NEK1: variants seen among roughly 807,000 people sequenced by gnomAD.
NEK1 encodes the protein serine/threonine-protein kinase Nek1.
NEK1 carries 137 observed loss-of-function variants against 182.1 expected under a neutral mutation model. That is an observed-to-expected ratio of 0.75 (90% CI 0.65 to 0.87). The LOEUF (loss-of-function observed/expected upper bound fraction) is 0.87. NEK1 is among the 40% of genes least tolerant of loss of function. The pLI is 0.00. For synonymous variants in NEK1, 513 were observed against 492.2 expected (o/e 1.04, Z -0.56); for missense variants, 1,391 against 1,494.4 (o/e 0.93, Z 1.14).
At chr4:169,495,537 C>A (rs7435438) in intron 23 of NEK1, among the ~76,000 whole-genome samples, 5 of 151,944 alleles carry the variant, frequency 3.3e-5, no homozygotes, top group Non-Finnish European at 5.9e-5. Flanking sequence ...CCACCGTGCC[C>A]GGCCCATTTA....
chr4:169,454,420 G>T (rs1742439549), intron 27 of NEK1, among the ~76,000 whole-genome samples: 1 of 152,134 alleles, frequency 6.6e-6, no homozygotes, highest in Admixed American at 6.5e-5. Context: ...GAAAACTTCT[G>T]CAATCTACCC....
chr4:169,411,118 G>A (rs1265137875), intron 31 of NEK1, among the ~76,000 whole-genome samples: 5 of 152,172 alleles, frequency 3.3e-5, no homozygotes, highest in Non-Finnish European at 5.9e-5. Context: ...GGAGCTTGAT[G>A]GATATAAAGC....
chr4:169,495,206 G>A (rs1253698558), intron 23 of NEK1, among the ~76,000 whole-genome samples: 1 of 150,096 alleles, frequency 6.7e-6, no homozygotes, highest in East Asian at 1.9e-4. Context: ...TTTTCTTCTA[G>A]GGTTTTTATG....
At chr4:169,481,565 C>A (rs11733461) in intron 23 of NEK1, among the ~76,000 whole-genome samples, 43,968 of 151,966 alleles carry the variant, frequency 0.29, 8,981 homozygotes, top group African/African-American at 0.59. Context: ...AACTAGGTGC[C>A]TTGTCAATGA....
chr4:169,499,344 C>T (rs553388471), intron 23 of NEK1, among the ~76,000 whole-genome samples: 91 of 152,128 alleles, frequency 6.0e-4, no homozygotes, highest in African/African-American at 2.1e-3. Flanking sequence ...GCCATGGGTT[C>T]GAACTTCCTC....
chr4:169,472,160 A>T (rs1402706214), intron 26 of NEK1, among the ~76,000 whole-genome samples: 2 of 151,640 alleles, frequency 1.3e-5, no homozygotes, highest in African/African-American at 4.8e-5. Flanking sequence ...ACTGAGGTAC[A>T]AAAAACAAAA....
intron 3 of NEK1, 70 bp from the exon 4 acceptor site, chr4:169,602,174 T>G (rs964784696): frequency 5.6e-6 from 6 of 1,071,698 alleles, no homozygotes; most frequent in Non-Finnish European, 8.7e-6. Flanking sequence ...CATCAATAGG[T>G]GAGTGGTTAA....
Position 169,555,732 on chromosome 4 carries a change from G to A in NEK1, c.1550C>T (p.Ala517Val). The A allele has an allele frequency of 6.2e-7, 1 of 1,613,762 alleles. No individual in the cohort carries two copies. Among genetic ancestry groups the A allele is most frequent in the East Asian group, 2.2e-5 (1 of 44,872 alleles). Residue 517 changes from alanine to valine, a missense_variant, in exon 18 of 36, where the codon GCC becomes GTC. By Grantham distance (64) the Ala-to-Val change is moderately conservative. Coordinates refer to ENST00000507142, the MANE Select transcript of NEK1 (RefSeq NM_001199397.3). ...LKRLKAVSKQ[A>V]NANRQKGQLA... Reference sequence around the variant, plus strand: ...ATCACAGTCCAACCTGTTTGCATTGGCTTGTTTAGACACCGCCTTCAATCT... The same window carrying A: ...ATCACAGTCCAACCTGTTTGCATTGACTTGTTTAGACACCGCCTTCAATCT...
intron 7 of NEK1, 119 bp from the exon 8 acceptor site, chr4:169,588,854 A>G: frequency 1.5e-6 from 1 of 665,834 alleles, no homozygotes; most frequent in East Asian, 2.8e-5. Flanking sequence ...TTATAATGAC[A>G]CTGAAAAATT....
intron 26 of NEK1, among the ~76,000 whole-genome samples, chr4:169,466,435 G>A (rs1012990827): frequency 2.1e-5 from 3 of 139,564 alleles, no homozygotes; most frequent in Non-Finnish European, 4.6e-5. Flanking sequence ...AAGACACAGA[G>A]GAATAAAACT....
At chr4:169,455,435 C>G (rs1325125538) in intron 27 of NEK1, among the ~76,000 whole-genome samples, 2 of 151,364 alleles carry the variant, frequency 1.3e-5, no homozygotes, top group Non-Finnish European at 2.9e-5. Context: ...TATTCTATGC[C>G]AATAGAAACC....
intron 27 of NEK1, among the ~76,000 whole-genome samples, chr4:169,458,872 G>A (rs1743413697): frequency 6.7e-6 from 1 of 148,848 alleles, no homozygotes; most frequent in African/African-American, 2.5e-5. Context: ...ATGAAGAAAA[G>A]CCACAGACTA....
At chr4:169,544,698 T>C (rs1760079571) in intron 18 of NEK1, among the ~76,000 whole-genome samples, 1 of 148,456 alleles carries the variant, frequency 6.7e-6, no homozygotes, top group Non-Finnish European at 1.5e-5. Context: ...GACTTCTTCC[T>C]GGTTTAGTCT....
At chr4:169,404,941 A>G (rs1288888745) in intron 32 of NEK1, among the ~76,000 whole-genome samples, 3 of 152,176 alleles carry the variant, frequency 2.0e-5, no homozygotes, top group Non-Finnish European at 4.4e-5. Context: ...AAACAATCCA[A>G]TTACATGCAG....
intron 34 of NEK1, 38 bp downstream of exon 34, chr4:169,400,483 T>C (rs760312165): frequency 5.7e-6 from 9 of 1,566,056 alleles, no homozygotes; most frequent in Admixed American, 1.9e-5. Context: ...CCTTCAAACA[T>C]AGCACATTTT....
intron 23 of NEK1, among the ~76,000 whole-genome samples, chr4:169,494,477 A>T (rs1428001533): frequency 2.6e-5 from 4 of 152,148 alleles, no homozygotes; most frequent in African/African-American, 2.4e-5. Context: ...TGTGCCACAT[A>T]TTCTTAATTC....
intron 2 of NEK1, among the ~76,000 whole-genome samples, chr4:169,604,839 T>G (rs1456932071): frequency 1.3e-5 from 2 of 152,164 alleles, no homozygotes. Context: ...TTAGCAACTT[T>G]AAGAGAAACA....
At chr4:169,606,552 T>C (rs186801183) in intron 2 of NEK1, among the ~76,000 whole-genome samples, 31 of 152,240 alleles carry the variant, frequency 2.0e-4, no homozygotes, top group Admixed American at 1.8e-3. Context: ...TCAAACAGGA[T>C]TGGTGAAGAG....
chr4:169,433,990 T>C (rs1174513482), intron 28 of NEK1, among the ~76,000 whole-genome samples: 2 of 152,146 alleles, frequency 1.3e-5, no homozygotes, highest in African/African-American at 2.4e-5. Context: ...TTAGGGAAGG[T>C]ATAAAAACAG....
Sources: allele counts gnomAD v4.1 joint callset (sites outside exome capture counted in the v4.1 genomes callset), GRCh38; gene constraint gnomAD v4.1.1; transcripts MANE v1.5; gene names NCBI Gene and HGNC (gene_info 2026-07-23, HGNC 2026-07-21).